The following MELK variants were observed in gnomAD, a reference collection of about 807,000 sequenced individuals.
MELK encodes pEg3 kinase.
In MELK, 81 loss-of-function variants were observed where a neutral mutation model predicts 85.0. The ratio of observed to expected loss-of-function variants is 0.95; its 90% confidence interval spans 0.80 to 1.15. MELK has a LOEUF of 1.15. MELK is among the 50% of genes most tolerant of loss of function. The pLI is 0.00. For synonymous variants in MELK, 252 were observed against 265.0 expected, an observed-to-expected ratio of 0.95 and a Z score of 0.48; for missense variants, 754 against 777.5, an observed-to-expected ratio of 0.97 and a Z score of 0.36.
intron 11 of MELK, among the ~76,000 whole-genome samples, chr9:36,645,734 A>C (rs1830162546): frequency 6.6e-6 from 1 of 152,192 alleles, no homozygotes. Flanking sequence ...TAGCCGAGGC[A>C]TGAGAATTTT....
intron 12 of MELK, among the ~76,000 whole-genome samples, chr9:36,652,654 C>T (rs1383684610): frequency 3.3e-5 from 5 of 150,448 alleles, no homozygotes; most frequent in Admixed American, 6.6e-5. Flanking sequence ...CGCTTGAACC[C>T]GAGAGGCGGA....
chr9:36,606,849 A>T (rs2135817575), intron 7 of MELK: 1 of 151,576 alleles, frequency 6.6e-6, no homozygotes, highest in East Asian at 1.9e-4. Context: ...CAGTGGCGTG[A>T]TCTCGGCTCA....
intron 7 of MELK, among the ~76,000 whole-genome samples, chr9:36,604,268 CTTTTTT>C (rs10598117): frequency 6.8e-4 from 23 of 33,780 alleles, no homozygotes; most frequent in Admixed American, 1.1e-3. Context: ...CGCGCCCGGG[CTTTTTT>C]TTTTTTTTTT....
intron 11 of MELK, among the ~76,000 whole-genome samples, chr9:36,644,909 G>A (rs900566343): frequency 6.6e-6 from 1 of 152,008 alleles, no homozygotes; most frequent in Non-Finnish European, 1.5e-5. Flanking sequence ...ATCCCAGATA[G>A]CATGTCAGTT....
At position 36,583,684 on chromosome 9, in the gene MELK, T is replaced by C; in HGVS notation, c.116T>C (p.Ile39Thr). 6.2e-7 allele frequency: 1 copy of C among 1,612,796 alleles called. No homozygotes were observed. Among genetic ancestry groups the C allele is most frequent in the Non-Finnish European group, 8.5e-7 (1 of 1,179,158 alleles). The change falls in exon 3 of 18, where the codon ATA becomes ACA. Residue 39 changes from isoleucine to threonine, a missense_variant. Coordinates refer to ENST00000298048, the MANE Select transcript of MELK (RefSeq NM_014791.4). ...ATCCTTACTGGAGAGATGGTAGCTA[T>C]AAAAATCATGGATAAAAACACACTA... is the stretch of plus-strand genomic sequence containing the variant. Reference protein sequence around the residue: ...CHILTGEMVAIKIMDKNTLGS... With the variant: ...CHILTGEMVATKIMDKNTLGS...
At chr9:36,646,716 G>C (rs1830246967) in intron 11 of MELK, among the ~76,000 whole-genome samples, 1 of 152,152 alleles carries the variant, frequency 6.6e-6, no homozygotes, top group African/African-American at 2.4e-5. Flanking sequence ...CCCCACCCCT[G>C]TGATGTAAAC....
chr9:36,669,391 T>G lies in MELK; in HGVS notation c.1490T>G (p.Ile497Ser), dbSNP rs1832690692. ...TGTDKLMTGV[I>S]SPERRCRSVE... ...ACAGACAAGTTAATGACAGGTGTCA[T>G]TAGCCCTGAGAGGCGGTAAGTGTTT... Residue 497 changes from isoleucine (I) to serine (S), a missense_variant, in exon 15 of 18, where the codon ATT (isoleucine) becomes AGT (serine). Transcript: ENST00000298048. 2.5e-6 allele frequency: 4 copies of G among 1,602,706 alleles called. No individual in the cohort carries two copies. Among genetic ancestry groups the G allele is most frequent in the Non-Finnish European group, 2.6e-6 (3 of 1,175,824 alleles).
chr9:36,586,246 G>A (rs935250623), intron 3 of MELK, among the ~76,000 whole-genome samples: 4 of 152,008 alleles, frequency 2.6e-5, no homozygotes, highest in African/African-American at 7.3e-5. Flanking sequence ...GCGGGGCTGA[G>A]GTGGGAAGAT....
intron 8 of MELK, among the ~76,000 whole-genome samples, chr9:36,622,722 A>G (rs956731335): frequency 5.3e-5 from 8 of 152,208 alleles, no homozygotes; most frequent in African/African-American, 1.9e-4. Context: ...AAAATGAGCA[A>G]GTTGTCTCTT....
intron 3 of MELK, among the ~76,000 whole-genome samples, chr9:36,586,925 G>A (rs1217148840): frequency 3.3e-5 from 5 of 151,838 alleles, no homozygotes; most frequent in African/African-American, 1.2e-4. Flanking sequence ...GCAGTGGCAC[G>A]ATCTCGGCTC....
At chr9:36,592,447 G>T (rs1203668881) in intron 4 of MELK, among the ~76,000 whole-genome samples, 1 of 152,084 alleles carries the variant, frequency 6.6e-6, no homozygotes, top group Non-Finnish European at 1.5e-5. Flanking sequence ...AAGTGCTCGG[G>T]ATTACAGGAG....
chr9:36,635,615 T>C (rs1424989467), intron 10 of MELK, among the ~76,000 whole-genome samples: 3 of 152,126 alleles, frequency 2.0e-5, no homozygotes, highest in Middle Eastern at 3.4e-3. Context: ...GTCAACACTT[T>C]GAAAAATGAA....
At chr9:36,609,745 C>T (rs924089436) in intron 8 of MELK, among the ~76,000 whole-genome samples, 1 of 152,130 alleles carries the variant, frequency 6.6e-6, no homozygotes, top group East Asian at 1.9e-4. Context: ...AGCTACTGTG[C>T]CTGGCCTTCT....
intron 11 of MELK, among the ~76,000 whole-genome samples, chr9:36,647,331 G>T (rs568106564): frequency 6.6e-6 from 1 of 152,110 alleles, no homozygotes; most frequent in Non-Finnish European, 1.5e-5. Context: ...TTTCAAAAAG[G>T]TGGCTATCGT....
At position 36,657,330 on chromosome 9, in the gene MELK, A is replaced by G. The variant is rs762432984; in HGVS notation, c.1143A>G (p.Leu381=). 3 of 1,613,184 alleles carry G rather than the reference A, an allele frequency of 1.9e-6. No homozygotes were observed. The South Asian group carries it at 3.3e-5, about 18-fold the overall frequency. ...LIDYDWCEDD[L]STGAATPRTS... ...ACTATGATTGGTGTGAAGATGATTTATCAACAGGTGCTGCTACTCCCCGAA... is the reference window on the plus strand; with the variant it reads ...ACTATGATTGGTGTGAAGATGATTTGTCAACAGGTGCTGCTACTCCCCGAA... Residue 381 remains leucine (L), a synonymous_variant, in exon 13 of 18, where the codon TTA becomes TTG. Coordinates refer to ENST00000298048, the MANE Select transcript of MELK (RefSeq NM_014791.4).
chr9:36,580,221 G>A (rs993829838), intron 1 of MELK, among the ~76,000 whole-genome samples: 20 of 151,576 alleles, frequency 1.3e-4, no homozygotes, highest in Non-Finnish European at 2.7e-4. Context: ...GCAGAGACAG[G>A]GTTTTATGAT....
chr9:36,616,315 G>T (rs1206239561), intron 8 of MELK, among the ~76,000 whole-genome samples: 1 of 151,672 alleles, frequency 6.6e-6, no homozygotes, highest in Non-Finnish European at 1.5e-5. Flanking sequence ...TTTGTGCATG[G>T]ATTGGATGAG....
intron 9 of MELK, among the ~76,000 whole-genome samples, chr9:36,631,321 G>C (rs561817090): frequency 6.6e-6 from 1 of 151,844 alleles, no homozygotes; most frequent in Non-Finnish European, 1.5e-5. Context: ...GCAACGGTGC[G>C]ATCTTGGCTC....
chr9:36,622,743 T>C (rs1430426010), intron 8 of MELK, among the ~76,000 whole-genome samples: 1 of 152,242 alleles, frequency 6.6e-6, no homozygotes, highest in South Asian at 2.1e-4. Flanking sequence ...TATGAAATTA[T>C]ATTTTTACAA....
Sources: allele counts gnomAD v4.1 joint callset (sites outside exome capture counted in the v4.1 genomes callset), GRCh38; gene constraint gnomAD v4.1.1; transcripts MANE v1.5; gene names NCBI Gene and HGNC (gene_info 2026-07-23, HGNC 2026-07-21).